The following RBFOX1 variants were observed in gnomAD, a reference collection of about 807,000 sequenced individuals.
RBFOX1 encodes the protein RNA binding protein fox-1 homolog 1.
A neutral mutation model predicts 57.7 loss-of-function variants in RBFOX1; 8 were observed. That is an observed-to-expected ratio of 0.14 (90% CI 0.08 to 0.25). The LOEUF is 0.25. RBFOX1 is among the 10% of genes least tolerant of loss of function. RBFOX1 has a pLI of 1.00. For synonymous variants in RBFOX1, 326 were observed against 222.4 expected (o/e 1.47, Z -4.15); for missense variants, 611 against 548.5 (o/e 1.11, Z -1.14).
At chr16:6,177,538 T>G (rs76939548) in intron 1 of RBFOX1, among the ~76,000 whole-genome samples, 3,532 of 152,234 alleles carry the variant, frequency 0.023, 148 homozygotes, top group African/African-American at 0.079. Context: ...GTGACTGCCT[T>G]TATAGAATCA....
intron 1 of RBFOX1, among the ~76,000 whole-genome samples, chr16:5,276,513 C>T (rs754386473): frequency 7.2e-5 from 11 of 152,092 alleles, no homozygotes; most frequent in Non-Finnish European, 1.2e-4. Flanking sequence ...GGCCAGGCGC[C>T]GTGGCTGACG....
chr16:6,911,310 A>G (rs1418916818), intron 3 of RBFOX1, among the ~76,000 whole-genome samples: 1 of 152,004 alleles, frequency 6.6e-6, no homozygotes, highest in Non-Finnish European at 1.5e-5. Context: ...GGCAACAGAA[A>G]TGTTTTGCCT....
chr16:6,872,121 A>G (rs2061021263), intron 3 of RBFOX1, among the ~76,000 whole-genome samples: 2 of 152,158 alleles, frequency 1.3e-5, no homozygotes, highest in Admixed American at 6.5e-5. Context: ...TTATGTTTTA[A>G]TATGATACGC....
At chr16:5,702,493 C>A (rs200918745) in intron 3 of RBFOX1, among the ~76,000 whole-genome samples, 3 of 152,128 alleles carry the variant, frequency 2.0e-5, no homozygotes, top group Admixed American at 6.5e-5. Context: ...GCTAGGCCAG[C>A]GAGGAAACTA....
intron 1 of RBFOX1, among the ~76,000 whole-genome samples, chr16:6,229,564 C>CTT (rs948380750): frequency 4.6e-5 from 7 of 152,076 alleles, no homozygotes; most frequent in Non-Finnish European, 8.8e-5. Context: ...ATTGCTTTAG[C>CTT]TTTTTATGCA....
intron 3 of RBFOX1, among the ~76,000 whole-genome samples, chr16:5,697,479 A>G (rs1433908683): frequency 2.0e-5 from 3 of 151,058 alleles, no homozygotes; most frequent in Non-Finnish European, 4.4e-5. Context: ...CTAGAGGACC[A>G]AGAGAACAAT....
chr16:6,254,314 A>G (rs112845731), intron 1 of RBFOX1, among the ~76,000 whole-genome samples: 25 of 152,350 alleles, frequency 1.6e-4, no homozygotes, highest in African/African-American at 5.3e-4. Flanking sequence ...TATCAACAAT[A>G]TAAATATCTA....
At chr16:5,592,779 A>G (rs755338289) in intron 2 of RBFOX1, among the ~76,000 whole-genome samples, 2 of 152,168 alleles carry the variant, frequency 1.3e-5, no homozygotes, top group East Asian at 1.9e-4. Context: ...CTGGCCTCAT[A>G]GGCTCCTCAG....
At chr16:6,028,331 C>T (rs143022882) in intron 1 of RBFOX1, among the ~76,000 whole-genome samples, 1 of 151,976 alleles carries the variant, frequency 6.6e-6, no homozygotes, top group East Asian at 1.9e-4. Flanking sequence ...AGAGAAAGTG[C>T]AGTAGTTTCC....
intron 4 of RBFOX1, among the ~76,000 whole-genome samples, chr16:7,319,271 T>C (rs1197536109): frequency 1.3e-5 from 2 of 152,070 alleles, no homozygotes; most frequent in Non-Finnish European, 2.9e-5. Context: ...TTCAATATTG[T>C]TGGGGGAGAT....
At chr16:5,756,175 G>C (rs994262547) in intron 3 of RBFOX1, among the ~76,000 whole-genome samples, 3 of 140,834 alleles carry the variant, frequency 2.1e-5, no homozygotes, top group Non-Finnish European at 4.5e-5. Context: ...CCCTTTAGTG[G>C]GTATTATTTG....
At chr16:7,705,462 G>A (rs899240542) in intron 14 of RBFOX1, among the ~76,000 whole-genome samples, 2 of 152,138 alleles carry the variant, frequency 1.3e-5, no homozygotes, top group Non-Finnish European at 2.9e-5. Flanking sequence ...CCAAGATTGT[G>A]CCACTGCACT....
intron 2 of RBFOX1, among the ~76,000 whole-genome samples, chr16:6,435,968 TTCTTC>T (rs2094222240): frequency 6.7e-6 from 1 of 150,190 alleles, no homozygotes; most frequent in African/African-American, 2.5e-5. Context: ...TGGTTTTTCA[TTCTTC>T]TCTTTGTTGT....
intron 2 of RBFOX1, among the ~76,000 whole-genome samples, chr16:5,480,094 C>T (rs1196570252): frequency 1.3e-5 from 2 of 152,178 alleles, no homozygotes; most frequent in African/African-American, 4.8e-5. Flanking sequence ...GGCTCACATG[C>T]TTAAGTGGGA....
intron 11 of RBFOX1, among the ~76,000 whole-genome samples, chr16:7,634,712 G>C (rs17686118): frequency 0.16 from 24,927 of 152,010 alleles, 2,064 homozygotes; most frequent in African/African-American, 0.18. Flanking sequence ...AATGACTCCA[G>C]TTTTTCTCCG....
intron 13 of RBFOX1, among the ~76,000 whole-genome samples, chr16:7,671,229 ATAGT>A: frequency 6.6e-6 from 1 of 152,364 alleles, no homozygotes; most frequent in South Asian, 2.1e-4. Flanking sequence ...TGAATGTGAA[ATAGT>A]TAATTTGGAC....
At chr16:7,035,530 C>G (rs1394242170) in intron 3 of RBFOX1, among the ~76,000 whole-genome samples, 1 of 152,194 alleles carries the variant, frequency 6.6e-6, no homozygotes, top group Non-Finnish European at 1.5e-5. Context: ...TTTTCCCACT[C>G]AGTTTCTTTC....
intron 5 of RBFOX1, among the ~76,000 whole-genome samples, chr16:7,519,505 A>G (rs2077072212): frequency 1.3e-5 from 2 of 152,246 alleles, no homozygotes; most frequent in Admixed American, 1.3e-4. Flanking sequence ...ATCACTGTAA[A>G]TGAAAACTGG....
At chr16:7,506,709 TACTA>T (rs1345285936) in intron 4 of RBFOX1, among the ~76,000 whole-genome samples, 1 of 152,196 alleles carries the variant, frequency 6.6e-6, no homozygotes, top group African/African-American at 2.4e-5. Flanking sequence ...TTCTTTCCCT[TACTA>T]ATGTACGAGA....
Sources: allele counts gnomAD v4.1 joint callset (sites outside exome capture counted in the v4.1 genomes callset), GRCh38; gene constraint gnomAD v4.1.1; transcripts MANE v1.5; gene names NCBI Gene and HGNC (gene_info 2026-07-23, HGNC 2026-07-21).